The following DPYD variants were observed in gnomAD, a reference collection of about 807,000 sequenced individuals.
DPYD encodes dihydropyrimidine dehydrogenase.
In DPYD, 109 loss-of-function variants were observed where a neutral mutation model predicts 116.2. The ratio of observed to expected loss-of-function variants is 0.94; its 90% CI spans 0.80 to 1.10. The LOEUF is 1.10. Among genes scored for constraint, DPYD ranks in the 50% least tolerant of loss-of-function variants. The pLI is 0.00. For missense variants in DPYD, 1,302 were observed against 1,254.5 expected (o/e 1.04, Z -0.57); for synonymous variants, 440 against 432.0 (o/e 1.02, Z -0.23).
In DPYD at chr1:97,721,526, T is replaced by G; in HGVS notation, c.467A>C (p.Gln156Pro). Residue 156 changes from glutamine (Q) to proline (P), a missense_variant, in exon 5 of 23, where the codon CAG becomes CCG. Gln to Pro is a moderately conservative substitution (Grantham distance 76). Transcript: ENST00000370192. Reference sequence around the variant, plus strand: ...CATACATACCTCAGTAGCAAATTGCTGCAATCCACCAATATTAATGGGTCC... The same window carrying G: ...CATACATACCTCAGTAGCAAATTGCGGCAATCCACCAATATTAATGGGTCC... ...EEGPINIGGL[Q>P]QFATEVFKAM... is the part of the protein sequence containing the mutation. 1 of 1,611,418 alleles carries G rather than the reference T, an allele frequency of 6.2e-7. No individual in the cohort carries two copies. The highest frequency in any genetic ancestry group is 1.1e-5 in the South Asian group (1 of 91,030).
intron 16 of DPYD, among the ~76,000 whole-genome samples, chr1:97,343,739 T>G (rs1426773980): frequency 6.6e-6 from 1 of 152,036 alleles, no homozygotes; most frequent in African/African-American, 2.4e-5. Context: ...ATATGAGTGC[T>G]AAAGCTACAA....
chr1:97,206,790 C>T (rs1339095361), intron 19 of DPYD, among the ~76,000 whole-genome samples: 3 of 149,198 alleles, frequency 2.0e-5, no homozygotes, highest in Non-Finnish European at 4.5e-5. Context: ...TTTATGCATA[C>T]ACATACATAT....
rs1301669362 is a variant in DPYD at position 97,432,606 on chromosome 1, A to G, written c.1905+17453T>C. ...GGTCTGCTTCTATGGACCACTCTCA[A>G]GAATATTCTGTTGATCTTGGGCCAC... is the stretch of plus-strand genomic sequence containing the variant. On this transcript the variant is annotated intron_variant, in intron 14 of 22. Transcript: ENST00000370192. Among the ~76,000 whole-genome samples the G allele has an allele frequency of 7.2e-5, 11 of 151,936 alleles. No individual in the cohort carries two copies. In the East Asian group the frequency reaches 2.1e-3, roughly 29 times the overall value.
At chr1:97,461,427 C>T (rs902010671) in intron 13 of DPYD, among the ~76,000 whole-genome samples, 1 of 152,136 alleles carries the variant, frequency 6.6e-6, no homozygotes, top group African/African-American at 2.4e-5. Context: ...GAGGTAATTT[C>T]AAACTCATAT....
intron 10 of DPYD, among the ~76,000 whole-genome samples, chr1:97,574,470 G>T (rs1364171740): frequency 6.6e-6 from 1 of 152,078 alleles, no homozygotes; most frequent in African/African-American, 2.4e-5. Context: ...AAACTCTGTA[G>T]AACTAAGAAA....
chr1:97,472,985 A>G (rs1006727651), intron 13 of DPYD, among the ~76,000 whole-genome samples: 1 of 152,156 alleles, frequency 6.6e-6, no homozygotes, highest in Non-Finnish European at 1.5e-5. Context: ...TGGTGAGAAT[A>G]TTTATGATCT....
chr1:97,557,863 T>C (rs1382104701), intron 11 of DPYD, among the ~76,000 whole-genome samples: 1 of 152,210 alleles, frequency 6.6e-6, no homozygotes, highest in African/African-American at 2.4e-5. Context: ...GATATTTCCA[T>C]AGAATATCTT....
intron 8 of DPYD, among the ~76,000 whole-genome samples, chr1:97,614,843 C>G (rs893139155): frequency 2.3e-4 from 35 of 152,064 alleles, no homozygotes; most frequent in Non-Finnish European, 1.2e-4. Context: ...TTCTTAGTGA[C>G]TAAAATCTAG....
At chr1:97,632,438 G>C (rs1657320377) in intron 8 of DPYD, among the ~76,000 whole-genome samples, 1 of 152,046 alleles carries the variant, frequency 6.6e-6, no homozygotes, top group African/African-American at 2.4e-5. Context: ...AATACATGTA[G>C]AGATAATTAG....
At chr1:97,756,117 A>G (rs550203960) in intron 3 of DPYD, among the ~76,000 whole-genome samples, 2 of 152,298 alleles carry the variant, frequency 1.3e-5, no homozygotes, top group South Asian at 2.1e-4. Flanking sequence ...CAATCTCCCA[A>G]GCCAACCAAG....
intron 2 of DPYD, among the ~76,000 whole-genome samples, chr1:97,831,621 C>T (rs1396671044): frequency 6.6e-6 from 1 of 151,996 alleles, no homozygotes; most frequent in Non-Finnish European, 1.5e-5. Flanking sequence ...ATGGTAGTGG[C>T]TTGTGATTTC....
At chr1:97,746,007 A>G (rs942764856) in intron 3 of DPYD, among the ~76,000 whole-genome samples, 29 of 152,224 alleles carry the variant, frequency 1.9e-4, no homozygotes, top group African/African-American at 6.5e-4. Context: ...AGTTTAGGAA[A>G]AAAAAAGTGA....
intron 8 of DPYD, among the ~76,000 whole-genome samples, chr1:97,596,267 AT>A (rs1654878893): frequency 1.3e-5 from 2 of 152,180 alleles, no homozygotes; most frequent in Non-Finnish European, 2.9e-5. Flanking sequence ...TTGTAAAAAA[AT>A]GTATTAATAT....
chr1:97,756,012 G>T (rs1665205635), intron 3 of DPYD, among the ~76,000 whole-genome samples: 1 of 152,124 alleles, frequency 6.6e-6, no homozygotes, highest in Admixed American at 6.5e-5. Flanking sequence ...ATCAGTTACT[G>T]TGAAAATAAA....
chr1:97,358,676 A>C lies in DPYD; in HGVS notation c.2058+14885T>G, dbSNP rs186131913. Among the ~76,000 whole-genome samples, 5 of 152,258 alleles carry C rather than the reference A, an allele frequency of 3.3e-5. No homozygotes were observed. The East Asian group carries it at 9.7e-4, about 29-fold the overall frequency. Reference sequence around the variant, plus strand: ...TGACACCCAGGCAAACAGGGTCTGGAGTGGAGCTCCAGCAAACTTCAACAG... The same window carrying C: ...TGACACCCAGGCAAACAGGGTCTGGCGTGGAGCTCCAGCAAACTTCAACAG... On this transcript the variant is annotated intron_variant, in intron 16 of 22. Transcript: ENST00000370192.
chr1:97,260,954 T>C (rs1178528752), intron 18 of DPYD, among the ~76,000 whole-genome samples: 1 of 152,108 alleles, frequency 6.6e-6, no homozygotes, highest in Non-Finnish European at 1.5e-5. Context: ...ACCACAGGCA[T>C]ATCAAACTTC....
intron 1 of DPYD, among the ~76,000 whole-genome samples, chr1:97,883,606 C>G (rs1213893422): frequency 6.6e-6 from 1 of 151,914 alleles, no homozygotes; most frequent in Non-Finnish European, 1.5e-5. Flanking sequence ...GCTACCACAC[C>G]TGGCTAATTT....
intron 16 of DPYD, among the ~76,000 whole-genome samples, chr1:97,355,563 C>G (rs2101368132): frequency 6.6e-6 from 1 of 152,268 alleles, no homozygotes; most frequent in Middle Eastern, 3.4e-3. Flanking sequence ...TATTCTTTGA[C>G]CATCTTCTCC....
intron 14 of DPYD, among the ~76,000 whole-genome samples, chr1:97,397,999 G>C (rs1673110628): frequency 6.6e-6 from 1 of 151,902 alleles, no homozygotes; most frequent in African/African-American, 2.4e-5. Context: ...ACAATGTGCA[G>C]GTTTGTTACA....
Sources: allele counts gnomAD v4.1 joint callset (sites outside exome capture counted in the v4.1 genomes callset), GRCh38; gene constraint gnomAD v4.1.1; transcripts MANE v1.5; gene names NCBI Gene and HGNC (gene_info 2026-07-23, HGNC 2026-07-21).